Variants in HEPH observed in about 807,000 individuals in gnomAD.
HEPH encodes the protein hephaestin.
HEPH carries 69 observed loss-of-function variants against 80.8 expected under a neutral mutation model. That is an observed-to-expected ratio of 0.85 (90% CI 0.70 to 1.04). The LOEUF is 1.04. HEPH is among the 50% of genes least tolerant of loss of function. The pLI is 0.00. For synonymous variants in HEPH, 431 were observed against 322.8 expected (o/e 1.34, Z -3.60); for missense variants, 1,115 against 891.3 (o/e 1.25, Z -3.20).
At chrX:66,182,407 G>T (rs1166491874) in intron 4 of HEPH, among the ~76,000 whole-genome samples, 1 of 784 alleles carries the variant, frequency 1.3e-3, no homozygotes, top group Non-Finnish European at 3.0e-3. Context: ...CCTTGAAGAG[G>T]TCCTTCACAT....
Position 66,266,731 on chromosome X carries a change from A to G in HEPH, c.*59A>G, listed in dbSNP as rs889682018. Reference sequence around the variant, plus strand: ...ATCTGTAGTGCACTCCCAGCAGGCCATGGACTAGTCACTAACCCCACACTC... The same window carrying G: ...ATCTGTAGTGCACTCCCAGCAGGCCGTGGACTAGTCACTAACCCCACACTC... On this transcript the variant is annotated 3_prime_UTR_variant, in exon 21 of 21. Transcript: ENST00000343002. 4.8e-6 allele frequency: 4 copies of G among 828,468 alleles called. No homozygotes were observed. The highest frequency in any genetic ancestry group is 4.7e-5 in the South Asian group (2 of 42,946). 68.3% of individuals were successfully genotyped at this position (828,468 alleles called of 1,213,427 possible). A position where few individuals can be genotyped will look rare whatever the true frequency, so the allele number is the denominator to read the frequency against.
intron 15 of HEPH, among the ~76,000 whole-genome samples, chrX:66,234,424 A>G (rs1398740282): frequency 2.7e-5 from 3 of 111,670 alleles, no homozygotes; most frequent in African/African-American, 9.8e-5. Flanking sequence ...TTATTTGAGT[A>G]TATACCCAGT....
At chrX:66,221,534 G>A (rs1460984412) in intron 15 of HEPH, among the ~76,000 whole-genome samples, 2 of 112,526 alleles carry the variant, frequency 1.8e-5, no homozygotes, top group Non-Finnish European at 3.8e-5. Context: ...TTGCTGCCAG[G>A]GCCCTTAGAC....
intron 20 of HEPH, among the ~76,000 whole-genome samples, chrX:66,264,317 G>T (rs1443146606): frequency 9.5e-6 from 1 of 105,800 alleles, no homozygotes; most frequent in African/African-American, 3.4e-5. Context: ...GGTCCTGCTG[G>T]GTTGGACATG....
intron 15 of HEPH, among the ~76,000 whole-genome samples, chrX:66,232,629 T>C (rs1349661685): frequency 9.0e-6 from 1 of 111,029 alleles, no homozygotes; most frequent in South Asian, 3.8e-4. Context: ...AACATCTTAT[T>C]TTTACGAAAA....
chrX:66,164,879 C>G (rs1180096577), intron 1 of HEPH, among the ~76,000 whole-genome samples: 1 of 111,898 alleles, frequency 8.9e-6, no homozygotes, highest in African/African-American at 3.3e-5. Flanking sequence ...ACAGAGTAAG[C>G]CAATAAATGA....
At chrX:66,229,679 C>G (rs566727803) in intron 15 of HEPH, among the ~76,000 whole-genome samples, 110 of 112,139 alleles carry the variant, frequency 9.8e-4, no homozygotes, top group Non-Finnish European at 1.3e-3. Context: ...ATCTTAATCT[C>G]TAAATTGTAT....
rs1256106935 is a variant in HEPH, at chrX:66,172,508, G to T, written c.321G>T (p.Val107=). 1 of 1,208,170 alleles carries T rather than the reference G, an allele frequency of 8.3e-7. No individual in the cohort carries two copies. Among genetic ancestry groups the T allele is most frequent in the Non-Finnish European group, 1.1e-6 (1 of 894,324 alleles). ...GFLGPVLQAE[V]GDVILIHLKN... is the part of the protein sequence containing the mutation. The stretch of plus-strand genomic sequence containing the variant: ...TGGGGCCAGTGTTGCAGGCTGAAGT[G>T]GGGGATGTCATTCTTATTCACCTGA... Residue 107 remains valine, a synonymous_variant, in exon 3 of 21, where the codon GTG becomes GTT. Coordinates refer to ENST00000343002, the MANE Select transcript of HEPH (RefSeq NM_001367233.3).
chrX:66,237,401 C>T (rs928565890), intron 15 of HEPH, among the ~76,000 whole-genome samples: 7 of 112,084 alleles, frequency 6.2e-5, no homozygotes, highest in Non-Finnish European at 1.1e-4. Context: ...AAAAGTCATT[C>T]AGAAGCAGGT....
Position 66,200,703 on chromosome X carries a change from G to A in HEPH, c.2028G>A (p.Met676Ile). ...QLQGMRKGAAMLFPHTFVMAI... is the reference protein window; with the variant it reads ...QLQGMRKGAAILFPHTFVMAI... ...AGGGCATGAGGAAGGGTGCAGCTAT[G>A]CTCTTTCCTCATACCTTTGTCATGG... The change falls in exon 12 of 21, where the codon ATG (methionine) becomes ATA (isoleucine). Residue 676 changes from methionine to isoleucine, a missense_variant. Met to Ile is a conservative substitution (Grantham distance 10). Coordinates refer to ENST00000343002, the MANE Select transcript of HEPH (RefSeq NM_001367233.3). 8.3e-7 allele frequency: 1 copy of A among 1,211,445 alleles called. No homozygotes were observed. Among genetic ancestry groups the A allele is most frequent in the Non-Finnish European group, 1.1e-6 (1 of 895,401 alleles).
At chrX:66,198,282 A>C (rs1411278273) in intron 10 of HEPH, among the ~76,000 whole-genome samples, 1 of 108,738 alleles carries the variant, frequency 9.2e-6, no homozygotes, top group Non-Finnish European at 1.9e-5. Context: ...TTTTGTATTC[A>C]GCCCACAATT....
At chrX:66,179,353 G>A (rs982758240) in intron 4 of HEPH, among the ~76,000 whole-genome samples, 2 of 111,753 alleles carry the variant, frequency 1.8e-5, no homozygotes, top group Non-Finnish European at 3.8e-5. Flanking sequence ...CTGTAGCCTT[G>A]TAGTGTAGTT....
At chrX:66,195,572 T>C (rs931818752) in intron 9 of HEPH, among the ~76,000 whole-genome samples, 2 of 111,579 alleles carry the variant, frequency 1.8e-5, no homozygotes, top group Non-Finnish European at 1.9e-5. Flanking sequence ...AGTCTATATA[T>C]AGAGATATGT....
intron 15 of HEPH, among the ~76,000 whole-genome samples, chrX:66,228,079 C>T (rs1473896683): frequency 8.9e-6 from 1 of 111,743 alleles, no homozygotes; most frequent in Non-Finnish European, 1.9e-5. Context: ...GTTTAATGGA[C>T]TCACAGTTCC....
In HEPH at chrX:66,266,764, C is replaced by T; in HGVS notation, c.*92C>T. 2 of 539,283 alleles carry T rather than the reference C, an allele frequency of 3.7e-6. No individual in the cohort carries two copies. The highest frequency in any genetic ancestry group is 4.6e-5 in the African/African-American group (2 of 43,067). 44.4% of individuals were successfully genotyped at this position (539,283 alleles called of 1,213,427 possible). A position where few individuals can be genotyped will look rare whatever the true frequency, so the allele number is the denominator to read the frequency against. ...GTCACTAACCCCACACTCAAAGGGGCATGGGTGGTGGAGAAGCAGAAGGAG... is the reference window on the plus strand; with the variant it reads ...GTCACTAACCCCACACTCAAAGGGGTATGGGTGGTGGAGAAGCAGAAGGAG... On this transcript the variant is annotated 3_prime_UTR_variant, in exon 21 of 21. Transcript: ENST00000343002.
chrX:66,200,561 C>G lies in HEPH; in HGVS notation c.1886C>G (p.Ser629Cys), dbSNP rs1335684710. Residue 629 changes from serine (S) to cysteine (C), a missense_variant, in exon 12 of 21, where the codon TCT (serine) becomes TGT (cysteine). By Grantham distance (112) the Ser-to-Cys change is moderately radical. Coordinates refer to ENST00000343002, the MANE Select transcript of HEPH (RefSeq NM_001367233.3). ...CCAGCCATTAATGGGTTTCTGTTCT[C>G]TAACCTGCCCAGGCTGGACATGTGC... ...RMHAINGFLF[S>C]NLPRLDMCKG... 2.5e-6 allele frequency: 3 copies of G among 1,204,764 alleles called. No individual in the cohort carries two copies. The highest frequency in any genetic ancestry group is 3.4e-6 in the Non-Finnish European group (3 of 891,669).
At position 66,205,271 on chromosome X, in the gene HEPH, C is replaced by T. The variant is rs761214591; in HGVS notation, c.2291+1694C>T. ...ATAGTTTTTCAACCCTTGCCCTCCA[C>T]CCCAATTTCTATTGTTGCCATCTTT... On this transcript the variant is annotated intron_variant, in intron 13 of 20. Transcript: ENST00000343002. Among the ~76,000 whole-genome samples the T allele has an allele frequency of 5.4e-5, 6 of 111,856 alleles. No homozygotes were observed. In the South Asian group the frequency reaches 2.3e-3, roughly 42 times the overall value.
At chrX:66,238,796 A>G (rs968145288) in intron 15 of HEPH, among the ~76,000 whole-genome samples, 5 of 112,210 alleles carry the variant, frequency 4.5e-5, no homozygotes, top group African/African-American at 1.6e-4. Context: ...AGATTTACCC[A>G]CGTATTTATT....
intron 15 of HEPH, among the ~76,000 whole-genome samples, chrX:66,210,439 T>G (rs1054193230): frequency 1.2e-4 from 13 of 111,579 alleles, no homozygotes; most frequent in Non-Finnish European, 5.7e-5. Flanking sequence ...GCCCAAAGGC[T>G]AAAGTAAAGT....
Sources: allele counts gnomAD v4.1 joint callset (sites outside exome capture counted in the v4.1 genomes callset), GRCh38; gene constraint gnomAD v4.1.1; transcripts MANE v1.5; gene names NCBI Gene and HGNC (gene_info 2026-07-23, HGNC 2026-07-21).